Variants in ATP8A1 observed in about 807,000 individuals in gnomAD.
The protein encoded by ATP8A1 is ATPase phospholipid transporting 8A1.
A neutral mutation model predicts 177.7 loss-of-function variants in ATP8A1; 90 were observed. The ratio of observed to expected loss-of-function variants is 0.51; its 90% CI spans 0.43 to 0.60. The LOEUF (loss-of-function observed/expected upper bound fraction) is 0.60. Among genes scored for constraint, ATP8A1 ranks in the 20% least tolerant of loss-of-function variants. The probability of loss-of-function intolerance (pLI) is 0.00; values close to 1 mark genes in which losing one functional copy is unlikely to be tolerated. For missense variants in ATP8A1, 1,072 were observed against 1,392.8 expected (o/e 0.77, Z 3.67); for synonymous variants, 493 against 485.9 (o/e 1.01, Z -0.19).
chr4:42,582,325 T>C (rs1268629481), intron 9 of ATP8A1, among the ~76,000 whole-genome samples: 1 of 152,168 alleles, frequency 6.6e-6, no homozygotes, highest in Non-Finnish European at 1.5e-5. Context: ...GCTAATACAT[T>C]AACCAAAATA....
At chr4:42,474,548 A>C (rs1293020370) in intron 25 of ATP8A1, among the ~76,000 whole-genome samples, 2 of 152,232 alleles carry the variant, frequency 1.3e-5, no homozygotes, top group Admixed American at 1.3e-4. Context: ...GGAACAGGAA[A>C]GCCAGATCTT....
At position 42,449,104 on chromosome 4, in the gene ATP8A1, G is replaced by C. The variant is rs1717642059; in HGVS notation, c.2897-2460C>G. 2.0e-5 allele frequency among the ~76,000 whole-genome samples: 3 copies of C among 152,106 alleles called. No individual in the cohort carries two copies. The South Asian group carries it at 6.2e-4, about 31-fold the overall frequency. ...ACCTGCATTGGGCTCCCAAAGTGCT[G>C]GGATTACAGGTGTGAGCCACCATGC... On this transcript the variant is annotated intron_variant, in intron 30 of 36. Transcript: ENST00000381668.
At chr4:42,651,551 T>C (rs1741098841) in intron 1 of ATP8A1, among the ~76,000 whole-genome samples, 1 of 152,246 alleles carries the variant, frequency 6.6e-6, no homozygotes, top group South Asian at 2.1e-4. Flanking sequence ...CTTTTCCGTT[T>C]GTAACACAAC....
chr4:42,642,276 C>G (rs1039726471), intron 1 of ATP8A1, among the ~76,000 whole-genome samples: 1 of 152,164 alleles, frequency 6.6e-6, no homozygotes, highest in Non-Finnish European at 1.5e-5. Flanking sequence ...CACAAAAGAG[C>G]ATCCAAGAAC....
intron 5 of ATP8A1, among the ~76,000 whole-genome samples, chr4:42,613,753 T>A (rs1736613399): frequency 6.6e-6 from 1 of 152,064 alleles, no homozygotes; most frequent in Non-Finnish European, 1.5e-5. Context: ...CCAACTAATT[T>A]TTGTATTTTT....
At chr4:42,598,492 A>G (rs1050910983) in intron 6 of ATP8A1, among the ~76,000 whole-genome samples, 2 of 152,086 alleles carry the variant, frequency 1.3e-5, no homozygotes, top group East Asian at 3.8e-4. Context: ...AATATATTCT[A>G]CTTTCTTAAC....
In ATP8A1 at chr4:42,632,933, T is replaced by A. The variant is rs368074872; in HGVS notation, c.50-5824A>T. 3.9e-5 allele frequency among the ~76,000 whole-genome samples: 6 copies of A among 152,324 alleles called. No homozygotes were observed. In the East Asian group the frequency reaches 9.6e-4, roughly 24 times the overall value. On this transcript the variant is annotated intron_variant, in intron 1 of 36. Transcript: ENST00000381668. ...TCTCAGCTCTAAAATTCTGTGAAAT[T>A]AATATCTGCTGAGCAGCAGGCAGAA...
intron 9 of ATP8A1, among the ~76,000 whole-genome samples, chr4:42,584,682 T>C (rs1019323916): frequency 2.0e-5 from 3 of 152,216 alleles, no homozygotes; most frequent in Admixed American, 6.5e-5. Flanking sequence ...CAGTTTTCTG[T>C]CTATACCCTT....
intron 15 of ATP8A1, 70 bp from the exon 16 acceptor site, chr4:42,556,110 C>T (rs1730210288): frequency 9.0e-7 from 1 of 1,109,500 alleles, no homozygotes; most frequent in African/African-American, 1.6e-5. Flanking sequence ...TGTTAATGTA[C>T]TTTATGAGTA....
chr4:42,475,689 TC>T (rs1720988269), intron 25 of ATP8A1, among the ~76,000 whole-genome samples: 1 of 152,132 alleles, frequency 6.6e-6, no homozygotes, highest in South Asian at 2.1e-4. Context: ...ACGTATTAGC[TC>T]ATTTATTCTT....
intron 4 of ATP8A1, among the ~76,000 whole-genome samples, chr4:42,617,483 TG>T (rs1198200295): frequency 2.0e-5 from 3 of 152,246 alleles, no homozygotes; most frequent in Non-Finnish European, 4.4e-5. Flanking sequence ...CTGTTAAATT[TG>T]TAGCATCAGT....
chr4:42,550,734 A>G (rs1384521821), intron 18 of ATP8A1, among the ~76,000 whole-genome samples: 3 of 152,216 alleles, frequency 2.0e-5, no homozygotes, highest in African/African-American at 7.2e-5. Flanking sequence ...ATGTAGTGCC[A>G]TCTCACTGTG....
Position 42,528,238 on chromosome 4 carries a change from T to C in ATP8A1, c.1723-3391A>G, listed in dbSNP as rs538184252. On this transcript the variant is annotated intron_variant, in intron 20 of 36. Transcript: ENST00000381668. ...CTTAGCAACTGGCAGGATCCCCACA[T>C]TGGCTCCCTGACTGGTAGGGTGAGG... Among the ~76,000 whole-genome samples the C allele has an allele frequency of 1.5e-4, 23 of 152,238 alleles. No homozygotes were observed. The South Asian group carries it at 3.3e-3, about 22-fold the overall frequency.
chr4:42,475,491 C>CAAAA (rs10655191), intron 25 of ATP8A1, among the ~76,000 whole-genome samples: 8 of 132,676 alleles, frequency 6.0e-5, no homozygotes, highest in African/African-American at 2.1e-4. Context: ...AAATATCAGA[C>CAAAA]AAAAAAAAAA....
intron 7 of ATP8A1, 112 bp from the exon 8 acceptor site, chr4:42,588,441 G>A: frequency 1.3e-6 from 1 of 783,824 alleles, no homozygotes. Context: ...CAAAGTAATA[G>A]TTACTTAGCT....
intron 24 of ATP8A1, among the ~76,000 whole-genome samples, chr4:42,499,884 G>T (rs1250417573): frequency 6.6e-6 from 1 of 152,138 alleles, no homozygotes; most frequent in African/African-American, 2.4e-5. Context: ...AGATTTAACA[G>T]ACAGACTTTA....
chr4:42,591,178 A>G (rs1734135747), intron 6 of ATP8A1, among the ~76,000 whole-genome samples: 1 of 152,144 alleles, frequency 6.6e-6, no homozygotes, highest in South Asian at 2.1e-4. Context: ...AAATTAAAGC[A>G]TATTTTATAG....
At chr4:42,623,000 ACT>A (rs1293269825) in intron 4 of ATP8A1, among the ~76,000 whole-genome samples, 1 of 126,648 alleles carries the variant, frequency 7.9e-6, no homozygotes, top group East Asian at 2.2e-4. Context: ...TAAGAGCGAA[ACT>A]CTGTCTCAAA....
chr4:42,607,527 G>A (rs62302299), intron 5 of ATP8A1, among the ~76,000 whole-genome samples: 34,211 of 151,876 alleles, frequency 0.23, 4,334 homozygotes, highest in Non-Finnish European at 0.29. Flanking sequence ...CCTCTGACCC[G>A]GCACAAACCT....
Sources: gnomAD v4.1 joint callset for allele counts (sites outside exome capture counted in the v4.1 genomes callset) on GRCh38, gnomAD v4.1.1 for gene constraint, MANE v1.5 for transcripts, NCBI Gene and HGNC (gene_info 2026-07-23, HGNC 2026-07-21) for gene names.